Variants in TOPBP1 observed in about 807,000 individuals in gnomAD.
The protein encoded by TOPBP1 is DNA topoisomerase 2-binding protein 1.
Under a neutral mutation model 167.7 loss-of-function variants are expected in TOPBP1, and 28 were observed. That is an observed-to-expected ratio of 0.17 (90% CI 0.12 to 0.23). The LOEUF (loss-of-function observed/expected upper bound fraction) is 0.23. Ranked by LOEUF, TOPBP1 falls within the 10% of genes least tolerant of loss-of-function variation. The probability of loss-of-function intolerance (pLI) is 1.00; values close to 1 mark genes in which losing one functional copy is unlikely to be tolerated. For synonymous variants in TOPBP1, 598 were observed against 611.4 expected (o/e 0.98, Z 0.32); for missense variants, 1,554 against 1,809.6 (o/e 0.86, Z 2.56).
chr3:133,643,089 CATAAAT>C, intron 12 of TOPBP1, 105 bp downstream of exon 12: 1 of 1,061,400 alleles, frequency 9.4e-7, no homozygotes, highest in South Asian at 2.1e-5. Context: ...ACATAACACT[CATAAAT>C]ATAATAAAGA....
At chr3:133,661,182 A>T (rs11709461) in intron 1 of TOPBP1, 48 bp from the exon 2 acceptor site, 245,106 of 1,410,970 alleles carry the variant, frequency 0.17, 23,394 homozygotes, top group Non-Finnish European at 0.2. Context: ...ACATTAGATA[A>T]AAAGTTGCAT....
intron 16 of TOPBP1, among the ~76,000 whole-genome samples, chr3:133,627,240 C>G (rs1241397645): frequency 6.6e-6 from 1 of 152,012 alleles, no homozygotes; most frequent in Non-Finnish European, 1.5e-5. Context: ...CATATAAAAA[C>G]ATACATCCTA....
intron 25 of TOPBP1, among the ~76,000 whole-genome samples, chr3:133,609,687 C>T (rs1934609385): frequency 6.6e-6 from 1 of 152,190 alleles, no homozygotes; most frequent in South Asian, 2.1e-4. Context: ...ACTTCTCTCT[C>T]CTGCCACCAT....
Position 133,628,693 on chromosome 3 carries a change from T to C in TOPBP1, c.2561A>G (p.Gln854Arg), listed in dbSNP as rs1364071614. Reference sequence around the variant, plus strand: ...TGGCGTACTCGGTTTCCTTTTCTGTTGGCTGGGACGTCCTGGAGTTTCCAA... The same window carrying C: ...TGGCGTACTCGGTTTCCTTTTCTGTCGGCTGGGACGTCCTGGAGTTTCCAA... ...AALETPGRPS[Q>R]QKRKPSTPLS... is the part of the protein sequence containing the mutation. The change falls in exon 15 of 28, where the codon CAA (glutamine) becomes CGA (arginine). Residue 854 changes from glutamine to arginine, a missense_variant. By Grantham distance (43) the Gln-to-Arg change is conservative. Coordinates refer to ENST00000260810, the MANE Select transcript of TOPBP1 (RefSeq NM_007027.4). 17 of 1,556,652 alleles carry C rather than the reference T, an allele frequency of 1.1e-5. No individual in the cohort carries two copies. Among genetic ancestry groups the C allele is most frequent in the Non-Finnish European group, 1.4e-5 (16 of 1,149,314 alleles).
intron 8 of TOPBP1, among the ~76,000 whole-genome samples, 184 bp from the exon 9 acceptor site, chr3:133,650,127 T>G (rs1318757606): frequency 2.0e-5 from 3 of 152,216 alleles, no homozygotes; most frequent in Non-Finnish European, 4.4e-5. Flanking sequence ...TTTTAATCAC[T>G]CTTTACAATC....
At chr3:133,657,672 A>T (rs1936524110) in intron 4 of TOPBP1, 126 bp downstream of exon 4, 5 of 657,478 alleles carry the variant, frequency 7.6e-6, no homozygotes, top group South Asian at 4.8e-5. Flanking sequence ...GTGGTTGTAT[A>T]CTGAACTTTG....
intron 14 of TOPBP1, 45 bp from the exon 15 acceptor site, chr3:133,628,778 G>C (rs1935361694): frequency 1.4e-5 from 21 of 1,539,334 alleles, no homozygotes; most frequent in Non-Finnish European, 1.8e-5. Flanking sequence ...AGAAGAGAGA[G>C]AGAGAGAAGC....
chr3:133,617,006 C>A, intron 22 of TOPBP1, 81 bp from the exon 23 acceptor site: 1 of 1,253,830 alleles, frequency 8.0e-7, no homozygotes, highest in Non-Finnish European at 1.1e-6. Context: ...GTATTTTACT[C>A]AGTCTTCTAA....
At position 133,628,382 on chromosome 3, in the gene TOPBP1, G is replaced by A; in HGVS notation, c.2784C>T (p.Ala928=). The change falls in exon 16 of 28, where the codon GCC becomes GCT. Residue 928 remains alanine, a synonymous_variant. Coordinates refer to ENST00000260810, the MANE Select transcript of TOPBP1 (RefSeq NM_007027.4). The part of the protein sequence containing the change: ...KKQSELNGIA[A]SLGADYRWSF... ...ACTACCTGTAATCTGCTCCTAGAGA[G>A]GCTGCGATCCCATTTAGTTCACTCT... 6.2e-7 allele frequency: 1 copy of A among 1,603,436 alleles called. No homozygotes were observed. The highest frequency in any genetic ancestry group is 8.5e-7 in the Non-Finnish European group (1 of 1,174,466).
Position 133,658,997 on chromosome 3 carries a change from A to G in TOPBP1, c.219+19T>C. ...CCAAAAAATAGACTACCAAAGGTAC[A>G]CACTAGAAGTCAGCAAACCTTTTTG... On this transcript the variant is annotated intron_variant, in intron 3 of 27. Coordinates refer to ENST00000260810, the MANE Select transcript of TOPBP1 (RefSeq NM_007027.4). 2 of 1,579,370 alleles carry G rather than the reference A, an allele frequency of 1.3e-6. No homozygotes were observed. Among genetic ancestry groups the G allele is most frequent in the Non-Finnish European group, 1.7e-6 (2 of 1,166,622 alleles).
intron 14 of TOPBP1, among the ~76,000 whole-genome samples, chr3:133,629,435 A>G (rs1034507151): frequency 2.0e-5 from 3 of 152,230 alleles, no homozygotes; most frequent in Non-Finnish European, 2.9e-5. Flanking sequence ...AGCAAAATGT[A>G]TCTACCAGCC....
At position 133,628,687 on chromosome 3, in the gene TOPBP1, T is replaced by C. The variant is rs2107794639; in HGVS notation, c.2567A>G (p.Lys856Arg). 2 of 1,558,942 alleles carry C rather than the reference T, an allele frequency of 1.3e-6. No homozygotes were observed. Among genetic ancestry groups the C allele is most frequent in the South Asian group, 1.2e-5 (1 of 84,584 alleles). ...LETPGRPSQQ[K>R]RKPSTPLSEV... ...TGAGAGTGGCGTACTCGGTTTCCTT[T>C]TCTGTTGGCTGGGACGTCCTGGAGT... Residue 856 changes from lysine to arginine, a missense_variant, in exon 15 of 28, where the codon AAA (lysine) becomes AGA (arginine). Around this residue, in one of 3 missense-constraint regions of TOPBP1, gnomAD observed 1,197 missense variants for 1,351.5 expected, o/e 0.89. Transcript: ENST00000260810.
At chr3:133,656,541 C>T in intron 5 of TOPBP1, 135 bp downstream of exon 5, 1 of 832,850 alleles carries the variant, frequency 1.2e-6, no homozygotes, top group Non-Finnish European at 1.7e-6. Context: ...TTCTGCTCTT[C>T]CGTTTTCGCT....
chr3:133,661,122 G>C lies in TOPBP1; in HGVS notation c.6C>G (p.Ser2=). ...CAAAAAACGGTTCTTTGTCATTTCT[G>C]GACATTTCTGAACTGTCAAAATAAA... M[S]RNDKEPFFVK... The change falls in exon 2 of 28, where the codon TCC becomes TCG. Residue 2 remains serine (S), a synonymous_variant. Coordinates refer to ENST00000260810, the MANE Select transcript of TOPBP1 (RefSeq NM_007027.4). The C allele has an allele frequency of 2.5e-6, 4 of 1,589,678 alleles. No homozygotes were observed. Among genetic ancestry groups the C allele is most frequent in the Non-Finnish European group, 3.4e-6 (4 of 1,170,450 alleles).
At position 133,623,421 on chromosome 3, in the gene TOPBP1, A is replaced by G; in HGVS notation, c.2965T>C (p.Tyr989His). 1 of 1,612,692 alleles carries G rather than the reference A, an allele frequency of 6.2e-7. No homozygotes were observed. Among genetic ancestry groups the G allele is most frequent in the Non-Finnish European group, 8.5e-7 (1 of 1,179,262 alleles). The change falls in exon 18 of 28, where the codon TAT (tyrosine) becomes CAT (histidine). Residue 989 changes from tyrosine (Y) to histidine (H), a missense_variant. Tyr to His is a moderately conservative substitution (Grantham distance 83, BLOSUM62 2). Coordinates refer to ENST00000260810, the MANE Select transcript of TOPBP1 (RefSeq NM_007027.4). ...ATTTTGGGATTATAAGTATGTGGAT[A>G]AAGAGATTCAGGAAGATGTTTACAC... ...QECKHLPESL[Y>H]PHTYNPKMSL...
rs774251173 is a variant in TOPBP1 at position 133,643,167 on chromosome 3, C to T, written c.2021+33G>A. 8.6e-6 allele frequency: 13 copies of T among 1,507,710 alleles called. No homozygotes were observed. The East Asian group carries it at 2.9e-4, about 34-fold the overall frequency. The allele number at this position is 1,507,710 out of a possible 1,614,324, so 93.4% of individuals were successfully genotyped here. A position where few individuals can be genotyped will look rare whatever the true frequency, so the allele number is the denominator to read the frequency against. On this transcript the variant is annotated intron_variant, in intron 12 of 27. Coordinates refer to ENST00000260810, the MANE Select transcript of TOPBP1 (RefSeq NM_007027.4). Reference sequence around the variant, plus strand: ...AGTCAAAATAAATAAAAAGATACACCAATACAACAGGTGCATTAAAAATAT... The same window carrying T: ...AGTCAAAATAAATAAAAAGATACACTAATACAACAGGTGCATTAAAAATAT...
intron 1 of TOPBP1, 84 bp downstream of exon 1, chr3:133,661,685 G>A (rs1936724653): frequency 6.5e-6 from 1 of 152,948 alleles, no homozygotes; most frequent in Non-Finnish European, 1.5e-5. Context: ...GACAGGAAAA[G>A]AGGGTCCTGA....
intron 27 of TOPBP1, among the ~76,000 whole-genome samples, chr3:133,606,991 T>C (rs78601686): frequency 0.02 from 2,974 of 152,154 alleles, 50 homozygotes; most frequent in Non-Finnish European, 0.032. Flanking sequence ...CTCGATGTCA[T>C]TAGTCATCAG....
intron 23 of TOPBP1, among the ~76,000 whole-genome samples, chr3:133,616,431 T>C (rs1020731957): frequency 4.6e-5 from 7 of 152,126 alleles, no homozygotes; most frequent in African/African-American, 1.7e-4. Context: ...CTCCACACTG[T>C]TTCTAACTGG....
Sources: allele counts gnomAD v4.1 joint callset (sites outside exome capture counted in the v4.1 genomes callset), GRCh38; gene constraint gnomAD v4.1.1; regional missense constraint gnomAD v4.1.1; transcripts MANE v1.5; gene names NCBI Gene and HGNC (gene_info 2026-07-23, HGNC 2026-07-21).